The following PDCL2 variants were observed in gnomAD, a reference collection of about 807,000 sequenced individuals.
PDCL2 encodes phosducin like 2.
A neutral mutation model predicts 30.3 loss-of-function variants in PDCL2; 23 were observed. That is an observed-to-expected ratio of 0.76 (90% CI 0.55 to 1.08). The LOEUF (loss-of-function observed/expected upper bound fraction) is 1.08, where lower values mean the gene tolerates loss of function less well. Among genes scored for constraint, PDCL2 ranks in the 50% least tolerant of loss-of-function variants. The pLI, the probability that PDCL2 is intolerant of heterozygous loss-of-function variation, is 0.00. For missense variants in PDCL2, 243 were observed against 282.3 expected, an observed-to-expected ratio of 0.86 and a Z score of 1.00; for synonymous variants, 68 against 86.2, an observed-to-expected ratio of 0.79 and a Z score of 1.17.
chr4:55,592,110 G>C lies in PDCL2; in HGVS notation c.-1C>G, dbSNP rs1166258747. On this transcript the variant is annotated 5_prime_UTR_variant, in exon 1 of 6. The change creates a new upstream start codon in the 5' untranslated region. Transcript: ENST00000295645. ...GGCAGGTCCCGACCCTCACCTGCATGATGCGCTGCTCTGCCCCTCAAGAGC... is the reference window on the plus strand; with the variant it reads ...GGCAGGTCCCGACCCTCACCTGCATCATGCGCTGCTCTGCCCCTCAAGAGC... 2 of 1,609,442 alleles carry C rather than the reference G, an allele frequency of 1.2e-6. No homozygotes were observed. The highest frequency in any genetic ancestry group is 1.7e-5 in the Admixed American group (1 of 59,592).
Position 55,592,155 on chromosome 4 carries a change from G to T in PDCL2, c.-46C>A. Reference sequence around the variant, plus strand: ...AAGAGCCCGCGTCGTCCTGCAGCTGGCGAGGCGCCACGGATGGAGACCCGC... The same window carrying T: ...AAGAGCCCGCGTCGTCCTGCAGCTGTCGAGGCGCCACGGATGGAGACCCGC... On this transcript the variant is annotated 5_prime_UTR_variant, in exon 1 of 6. Transcript: ENST00000295645. 6.2e-7 allele frequency: 1 copy of T among 1,603,650 alleles called. No individual in the cohort carries two copies. Among genetic ancestry groups the T allele is most frequent in the Middle Eastern group, 1.7e-4 (1 of 6,044 alleles).
At chr4:55,561,346 G>A (rs1732132768) in intron 5 of PDCL2, among the ~76,000 whole-genome samples, 1 of 152,042 alleles carries the variant, frequency 6.6e-6, no homozygotes, top group African/African-American at 2.4e-5. Context: ...CGGATCTCCT[G>A]AGATCAGGAG....
intron 4 of PDCL2, among the ~76,000 whole-genome samples, chr4:55,566,254 T>G (rs1732265835): frequency 6.6e-6 from 1 of 151,778 alleles, no homozygotes; most frequent in Admixed American, 6.6e-5. Flanking sequence ...AATGCTGGGA[T>G]TACAGGCATG....
At chr4:55,588,552 G>A (rs1016689771) in intron 1 of PDCL2, among the ~76,000 whole-genome samples, 1 of 152,144 alleles carries the variant, frequency 6.6e-6, no homozygotes. Context: ...CACACTGGAC[G>A]CATGTCATCA....
intron 3 of PDCL2, among the ~76,000 whole-genome samples, chr4:55,573,666 A>G (rs1343207782): frequency 6.6e-6 from 1 of 151,842 alleles, no homozygotes; most frequent in Non-Finnish European, 1.5e-5. Flanking sequence ...TAGGATAATC[A>G]CTTGAGCCCA....
chr4:55,570,854 A>G (rs1382591920), intron 3 of PDCL2, among the ~76,000 whole-genome samples: 1 of 152,184 alleles, frequency 6.6e-6, no homozygotes, highest in African/African-American at 2.4e-5. Context: ...TGCTGGAAGT[A>G]TTTACTCCTT....
intron 5 of PDCL2, among the ~76,000 whole-genome samples, chr4:55,557,309 T>C (rs2110150172): frequency 6.6e-6 from 1 of 152,304 alleles, no homozygotes; most frequent in Admixed American, 6.5e-5. Flanking sequence ...CAGAGATTTA[T>C]TTCTTATACT....
chr4:55,574,564 G>C (rs578139288), intron 3 of PDCL2, among the ~76,000 whole-genome samples: 1 of 152,148 alleles, frequency 6.6e-6, no homozygotes, highest in East Asian at 1.9e-4. Context: ...CTACTCAGGA[G>C]AACTATAGGA....
In PDCL2 at chr4:55,587,700, T is replaced by C. The variant is rs1263979834; in HGVS notation, c.6+4404A>G. The stretch of plus-strand genomic sequence containing the variant: ...CCTCCTGAGTAGCTAAGATTACAGA[T>C]GCCCACCACCACACCCAGCTAATTT... On this transcript the variant is annotated intron_variant, in intron 1 of 5. Transcript: ENST00000295645. 5.3e-5 allele frequency among the ~76,000 whole-genome samples: 8 copies of C among 151,910 alleles called. 1 individual carries two copies. In the South Asian group the frequency reaches 1.5e-3, roughly 28 times the overall value.
At chr4:55,557,529 C>T (rs987734921) in intron 5 of PDCL2, among the ~76,000 whole-genome samples, 1 of 152,078 alleles carries the variant, frequency 6.6e-6, no homozygotes, top group Non-Finnish European at 1.5e-5. Context: ...AGGGCAGAGA[C>T]CTCATGACCT....
At chr4:55,575,566 A>G (rs138365093) in intron 3 of PDCL2, among the ~76,000 whole-genome samples, 81 of 152,348 alleles carry the variant, frequency 5.3e-4, no homozygotes, top group Admixed American at 8.5e-4. Flanking sequence ...CAAGTGTCCA[A>G]CAAACTCCAA....
intron 1 of PDCL2, among the ~76,000 whole-genome samples, chr4:55,587,331 T>C (rs1212997192): frequency 6.6e-6 from 1 of 151,056 alleles, no homozygotes; most frequent in African/African-American, 2.4e-5. Flanking sequence ...TAATCACCTC[T>C]TAAAGGCCCC....
intron 5 of PDCL2, among the ~76,000 whole-genome samples, chr4:55,560,189 A>AAG (rs1491514714): frequency 1.4e-5 from 2 of 138,294 alleles, no homozygotes; most frequent in South Asian, 2.5e-4. Flanking sequence ...TCAAAAAAAA[A>AAG]GGGGGGGGGG....
chr4:55,556,835 G>A, intron 5 of PDCL2, 124 bp from the exon 6 acceptor site: 1 of 786,066 alleles, frequency 1.3e-6, no homozygotes, highest in African/African-American at 1.8e-5. Context: ...TTATTTATAG[G>A]TTTTTTTTTC....
chr4:55,558,798 A>T (rs1381375888), intron 5 of PDCL2, among the ~76,000 whole-genome samples: 6 of 152,244 alleles, frequency 3.9e-5, no homozygotes, highest in African/African-American at 1.4e-4. Context: ...TTATCTGACA[A>T]TTGAAATGAT....
rs186112221 is a variant in PDCL2 at position 55,571,556 on chromosome 4, G to A, written c.219-1695C>T. On this transcript the variant is annotated intron_variant, in intron 3 of 5. Transcript: ENST00000295645. ...CAAAAAATTAGCCGGGCATGGTGGCGGGCGCCTGTGGTCCCAGCTACTCGG... is the reference window on the plus strand; with the variant it reads ...CAAAAAATTAGCCGGGCATGGTGGCAGGCGCCTGTGGTCCCAGCTACTCGG... 9.3e-3 allele frequency among the ~76,000 whole-genome samples: 849 copies of A among 90,882 alleles called. 40 individuals are homozygous for A. The highest frequency in any genetic ancestry group is 0.041 in the African/African-American group (801 of 19,640). 59.6% of individuals were successfully genotyped at this position (90,882 alleles called of 152,430 possible). A position where few individuals can be genotyped will look rare whatever the true frequency, so the allele number is the denominator to read the frequency against.
At chr4:55,588,140 TG>T (rs1394700250) in intron 1 of PDCL2, among the ~76,000 whole-genome samples, 1 of 152,168 alleles carries the variant, frequency 6.6e-6, no homozygotes, top group Non-Finnish European at 1.5e-5. Context: ...AAAGTCAAGT[TG>T]GGAACTATGT....
chr4:55,564,859 A>C (rs950006098), intron 4 of PDCL2, among the ~76,000 whole-genome samples: 16 of 152,186 alleles, frequency 1.1e-4, no homozygotes, highest in Admixed American at 4.6e-4. Context: ...ACAGTGAGAG[A>C]ATTATGACAG....
chr4:55,587,956 G>A (rs1211696418), intron 1 of PDCL2, among the ~76,000 whole-genome samples: 1 of 152,000 alleles, frequency 6.6e-6, no homozygotes, highest in Non-Finnish European at 1.5e-5. Context: ...CTGTGCTTTT[G>A]GTGTCATAAC....
Sources: allele counts gnomAD v4.1 joint callset (sites outside exome capture counted in the v4.1 genomes callset), GRCh38; gene constraint gnomAD v4.1.1; transcripts MANE v1.5; gene names NCBI Gene and HGNC (gene_info 2026-07-23, HGNC 2026-07-21).